CYRIB: variants seen among roughly 807,000 people sequenced by gnomAD.
CYRIB encodes CYFIP related Rac1 interactor B, also known as CYFIP-related Rac1 interactor B.
Under a neutral mutation model 44.2 loss-of-function variants are expected in CYRIB, and 8 were observed. That is an observed-to-expected ratio of 0.18 (90% CI 0.11 to 0.33). The LOEUF is 0.33. CYRIB is among the 10% of genes least tolerant of loss of function. The pLI is 1.00. For missense variants in CYRIB, 185 were observed against 382.8 expected (o/e 0.48, Z 4.31); for synonymous variants, 131 against 127.2 (o/e 1.03, Z -0.20).
chr8:129,929,444 T>G (rs1407739439), intron 1 of CYRIB, among the ~76,000 whole-genome samples: 3 of 152,212 alleles, frequency 2.0e-5, no homozygotes, highest in African/African-American at 7.2e-5. Context: ...TGGTAATGGT[T>G]GCAAAGCTGA....
rs1491257327 is a variant in CYRIB, at chr8:129,923,238, T to TA, written c.-50+16369_-50+16370insT. Among the ~76,000 whole-genome samples, 69 of 41,456 alleles carry TA rather than the reference T, an allele frequency of 1.7e-3. No homozygotes were observed. The South Asian group carries it at 0.034, about 20-fold the overall frequency. 27.2% of individuals were successfully genotyped at this position (41,456 alleles called of 152,430 possible). A position where few individuals can be genotyped will look rare whatever the true frequency, so the allele number is the denominator to read the frequency against. On this transcript the variant is annotated intron_variant, in intron 1 of 11. Transcript: ENST00000519824. Reference sequence around the variant, plus strand: ...AGCCTGGGCAACAAGAGCAAAACTCTTAAAAAGAAAAAAATCTCCACCTAA... The same window carrying TA: ...AGCCTGGGCAACAAGAGCAAAACTCTATAAAAAGAAAAAAATCTCCACCTAA...
chr8:129,877,150 C>T (rs1465912564), intron 3 of CYRIB, among the ~76,000 whole-genome samples: 1 of 151,982 alleles, frequency 6.6e-6, no homozygotes, highest in Non-Finnish European at 1.5e-5. Flanking sequence ...TAAGAAATAA[C>T]AATGGGTAAA....
chr8:130,007,043 G>T (rs923857920), intron 1 of CYRIB, among the ~76,000 whole-genome samples: 2 of 152,106 alleles, frequency 1.3e-5, no homozygotes, highest in African/African-American at 4.8e-5. Flanking sequence ...TAGATTATTA[G>T]TATGAGTCAG....
At chr8:129,958,567 C>T (rs933366037) in intron 2 of CYRIB, among the ~76,000 whole-genome samples, 2 of 152,292 alleles carry the variant, frequency 1.3e-5, no homozygotes, top group African/African-American at 2.4e-5. Context: ...TACTCTATTA[C>T]TTTAAAACCT....
chr8:129,878,644 C>T (rs928238239), intron 3 of CYRIB, among the ~76,000 whole-genome samples: 1 of 152,118 alleles, frequency 6.6e-6, no homozygotes, highest in Non-Finnish European at 1.5e-5. Flanking sequence ...AACAACCAGA[C>T]AAGCTAAAGC....
intron 2 of CYRIB, among the ~76,000 whole-genome samples, chr8:129,965,044 C>T (rs1402527985): frequency 6.6e-6 from 1 of 152,158 alleles, no homozygotes; most frequent in African/African-American, 2.4e-5. Flanking sequence ...GCAGATAACA[C>T]AGGGAACTGC....
At chr8:129,854,025 G>A (rs1273973444) in intron 7 of CYRIB, among the ~76,000 whole-genome samples, 4 of 152,092 alleles carry the variant, frequency 2.6e-5, no homozygotes, top group Admixed American at 1.3e-4. Context: ...AAGGATCAAC[G>A]TTATACAGAT....
chr8:129,862,171 G>A (rs2050102996), intron 5 of CYRIB, 58 bp downstream of exon 7: 2 of 1,267,984 alleles, frequency 1.6e-6, no homozygotes, highest in Non-Finnish European at 2.3e-6. Flanking sequence ...CTAAACTTCT[G>A]GAATGAATAA....
At chr8:129,998,687 A>G (rs1457601869) in intron 1 of CYRIB, among the ~76,000 whole-genome samples, 1 of 151,080 alleles carries the variant, frequency 6.6e-6, no homozygotes, top group Non-Finnish European at 1.5e-5. Context: ...GGTGGAGTGC[A>G]GTGGCATGAT....
chr8:130,016,633 C>T (rs1179470221), upstream of CYRIB: 2 of 149,398 alleles, frequency 1.3e-5, no homozygotes, highest in African/African-American at 4.9e-5. Context: ...CGCCGGCGCT[C>T]GCACAAAAGG....
intron 2 of CYRIB, chr8:129,896,983 T>G (rs2068403609): frequency 6.6e-6 from 1 of 152,242 alleles, no homozygotes; most frequent in South Asian, 2.1e-4. Flanking sequence ...TAATTTGAGT[T>G]AAAAGATAAG....
chr8:129,863,809 ATG>A lies in CYRIB; in HGVS notation c.196-1477_196-1476del, dbSNP rs917647848. The stretch of plus-strand genomic sequence containing the variant: ...GTCTTTATCTTTCATTTGCCCATAG[ATG>A]TTTTTTGTACTCCTTTACAGAAGTT... On this transcript the variant is annotated intron_variant, in intron 4 of 11. Transcript: ENST00000519824. Among the ~76,000 whole-genome samples the A allele has an allele frequency of 2.2e-4, 33 of 152,284 alleles. 1 individual carries two copies. Among genetic ancestry groups the A allele is most frequent in the African/African-American group, 7.5e-4 (31 of 41,564 alleles).
At chr8:129,961,536 T>C (rs781009553) in intron 2 of CYRIB, among the ~76,000 whole-genome samples, 3 of 152,218 alleles carry the variant, frequency 2.0e-5, no homozygotes, top group Non-Finnish European at 4.4e-5. Flanking sequence ...CCCATTATCA[T>C]AGATCTGTAC....
At chr8:129,963,358 G>A (rs1006889825) in intron 2 of CYRIB, among the ~76,000 whole-genome samples, 4 of 152,236 alleles carry the variant, frequency 2.6e-5, no homozygotes, top group African/African-American at 9.6e-5. Context: ...GAAATCCGAA[G>A]TGCTGTGGTG....
At chr8:129,984,934 C>CAGGCTAAT (rs1309296816) in intron 1 of CYRIB, among the ~76,000 whole-genome samples, 1 of 152,212 alleles carries the variant, frequency 6.6e-6, no homozygotes, top group Non-Finnish European at 1.5e-5. Context: ...ACCACCACGC[C>CAGGCTAAT]AGGCTAATTT....
At position 129,960,883 on chromosome 8, in the gene CYRIB, G is replaced by A. The variant is rs2095215287; in HGVS notation, c.-243+10060C>T. 2.0e-5 allele frequency among the ~76,000 whole-genome samples: 3 copies of A among 149,626 alleles called. No individual in the cohort carries two copies. The Admixed American group carries it at 2.0e-4, about 10-fold the overall frequency. On this transcript the variant is annotated intron_variant, in intron 2 of 14. Coordinates refer to the CYRIB transcript ENST00000401979. The stretch of plus-strand genomic sequence containing the variant: ...GAGAATTGCTTGAACCCGGGAGGCG[G>A]AGGTTGCAGTGAGCCAAGATCATGC...
chr8:129,847,988 T>G (rs1375498420), intron 10 of CYRIB, among the ~76,000 whole-genome samples: 2 of 151,962 alleles, frequency 1.3e-5, no homozygotes, highest in Non-Finnish European at 2.9e-5. Flanking sequence ...TTTTTTTCAG[T>G]AGAGATGAGG....
At chr8:129,953,185 G>A (rs1025271765) in intron 2 of CYRIB, among the ~76,000 whole-genome samples, 1 of 152,136 alleles carries the variant, frequency 6.6e-6, no homozygotes, top group African/African-American at 2.4e-5. Context: ...ACGCACAACT[G>A]CCAAATAAAT....
intron 2 of CYRIB, among the ~76,000 whole-genome samples, chr8:129,900,879 G>A (rs2071318370): frequency 6.6e-6 from 1 of 152,170 alleles, no homozygotes; most frequent in African/African-American, 2.4e-5. Context: ...TCGCCATGTG[G>A]GCCAGGCTGG....
Sources: allele counts gnomAD v4.1 joint callset (sites outside exome capture counted in the v4.1 genomes callset), GRCh38; gene constraint gnomAD v4.1.1; transcripts MANE v1.5; gene names NCBI Gene and HGNC (gene_info 2026-07-23, HGNC 2026-07-21).